The following KLHL6 variants were observed in gnomAD, a reference collection of about 807,000 sequenced individuals.
KLHL6 encodes the protein kelch-like protein 6.
In KLHL6, 41 loss-of-function variants were observed where a neutral mutation model predicts 58.6. That is an observed-to-expected ratio of 0.70 (90% CI 0.55 to 0.91). The LOEUF is 0.91. Among genes scored for constraint, KLHL6 ranks in the 40% least tolerant of loss-of-function variants. The pLI is 0.00. For missense variants in KLHL6, 714 were observed against 805.6 expected, an observed-to-expected ratio of 0.89 and a Z score of 1.38; for synonymous variants, 338 against 322.7, an observed-to-expected ratio of 1.05 and a Z score of -0.51.
intron 2 of KLHL6, among the ~76,000 whole-genome samples, chr3:183,509,838 T>C (rs1246844057): frequency 6.6e-6 from 1 of 152,234 alleles, no homozygotes; most frequent in Non-Finnish European, 1.5e-5. Flanking sequence ...ACAGGGAATA[T>C]ACTATATAAA....
At chr3:183,554,202 A>G (rs1466389825) in intron 1 of KLHL6, among the ~76,000 whole-genome samples, 1 of 152,142 alleles carries the variant, frequency 6.6e-6, no homozygotes, top group Non-Finnish European at 1.5e-5. Flanking sequence ...GATCAGGTGT[A>G]TTCACTGGGT....
chr3:183,555,280 G>C (rs886276011), intron 1 of KLHL6, 81 bp downstream of exon 1: 10 of 1,185,338 alleles, frequency 8.4e-6, no homozygotes, highest in South Asian at 1.4e-5. Flanking sequence ...ATGGCCAACT[G>C]TTCAAGATTG....
At chr3:183,539,708 CA>C (rs4066041) in intron 1 of KLHL6, among the ~76,000 whole-genome samples, 53 of 123,316 alleles carry the variant, frequency 4.3e-4, no homozygotes, top group Admixed American at 4.8e-4. Context: ...GACTCCATCT[CA>C]AAAAAAAAAA....
intron 3 of KLHL6, among the ~76,000 whole-genome samples, chr3:183,505,099 G>A (rs1052360526): frequency 6.6e-6 from 1 of 152,318 alleles, no homozygotes; most frequent in Non-Finnish European, 1.5e-5. Flanking sequence ...TGAACTGAGG[G>A]CAGTTACGGA....
intron 1 of KLHL6, chr3:183,548,612 T>C (rs1712804306): frequency 5.3e-5 from 8 of 152,224 alleles, no homozygotes. Flanking sequence ...GAGCACAATC[T>C]ATGCACTTGT....
At chr3:183,546,269 T>G (rs1352145146) in intron 1 of KLHL6, among the ~76,000 whole-genome samples, 1 of 152,218 alleles carries the variant, frequency 6.6e-6, no homozygotes, top group Non-Finnish European at 1.5e-5. Flanking sequence ...CCCTCATAAC[T>G]GTGTAGTTTT....
At chr3:183,554,889 G>A (rs1041232830) in intron 1 of KLHL6, among the ~76,000 whole-genome samples, 4 of 152,302 alleles carry the variant, frequency 2.6e-5, no homozygotes, top group South Asian at 4.1e-4. Context: ...GATAAGCCGG[G>A]CGCAGCGTCT....
chr3:183,535,134 G>A (rs184815920), intron 1 of KLHL6, among the ~76,000 whole-genome samples: 7 of 151,880 alleles, frequency 4.6e-5, no homozygotes, highest in African/African-American at 1.7e-4. Context: ...TAGTAGAGAC[G>A]GGGTTTTACT....
chr3:183,511,167 A>G (rs1045946567), intron 2 of KLHL6, among the ~76,000 whole-genome samples: 61 of 152,192 alleles, frequency 4.0e-4, no homozygotes, highest in Admixed American at 3.9e-3. Context: ...TAGTGGGGAG[A>G]AGGTCAGCAA....
intron 1 of KLHL6, among the ~76,000 whole-genome samples, chr3:183,547,526 G>A (rs990729312): frequency 2.0e-5 from 3 of 151,714 alleles, no homozygotes; most frequent in African/African-American, 4.8e-5. Context: ...TTTTTCCTAC[G>A]GTGCTCCATG....
intron 4 of KLHL6, among the ~76,000 whole-genome samples, chr3:183,497,641 T>A (rs1717750772): frequency 6.6e-6 from 1 of 152,148 alleles, no homozygotes; most frequent in African/African-American, 2.4e-5. Flanking sequence ...CAGGTGTGAC[T>A]TCTCAACTCC....
At chr3:183,521,677 A>C (rs1392921606) in intron 2 of KLHL6, 2 of 147,428 alleles carry the variant, frequency 1.4e-5, no homozygotes, top group Non-Finnish European at 3.0e-5. Flanking sequence ...CATTGAGGGT[A>C]AAAAGACCTA....
At chr3:183,538,947 G>C (rs1463615031) in intron 1 of KLHL6, among the ~76,000 whole-genome samples, 1 of 152,178 alleles carries the variant, frequency 6.6e-6, no homozygotes, top group East Asian at 1.9e-4. Flanking sequence ...CCCTGAACCA[G>C]CTGCATCAGA....
intron 1 of KLHL6, among the ~76,000 whole-genome samples, chr3:183,534,143 G>GTACTTTAAAAGTACTTTAAAAGACAT (rs1560107109): frequency 0.012 from 971 of 81,988 alleles, 44 homozygotes; most frequent in African/African-American, 0.04. Context: ...TACTTTTAAA[G>GTACTTTAAAAGTACTTTAAAAGACAT]TACTTTAAAA....
At chr3:183,534,950 A>ATATATATT (rs1356557331) in intron 1 of KLHL6, among the ~76,000 whole-genome samples, 1,261 of 96,646 alleles carry the variant, frequency 0.013, 26 homozygotes, top group African/African-American at 0.036. Context: ...ATATATATAT[A>ATATATATT]TTTTTTTTTT....
At chr3:183,498,718 G>A (rs1301789596) in intron 4 of KLHL6, among the ~76,000 whole-genome samples, 1 of 152,170 alleles carries the variant, frequency 6.6e-6, no homozygotes, top group South Asian at 2.1e-4. Flanking sequence ...CATTTACCCC[G>A]AGGTCAGGCA....
At chr3:183,511,620 G>GCTTT (rs1239657533) in intron 2 of KLHL6, among the ~76,000 whole-genome samples, 1 of 152,158 alleles carries the variant, frequency 6.6e-6, no homozygotes, top group Non-Finnish European at 1.5e-5. Context: ...GGTCCCTGCG[G>GCTTT]CTTTCTGCAG....
chr3:183,515,003 T>C (rs1213357322), intron 2 of KLHL6, among the ~76,000 whole-genome samples: 1 of 152,328 alleles, frequency 6.6e-6, no homozygotes, highest in East Asian at 1.9e-4. Flanking sequence ...TTATTACATC[T>C]GGGATCAATG....
At chr3:183,525,451 A>G (rs1477948313) in intron 2 of KLHL6, among the ~76,000 whole-genome samples, 1 of 152,212 alleles carries the variant, frequency 6.6e-6, no homozygotes, top group African/African-American at 2.4e-5. Flanking sequence ...AGACACGTCC[A>G]TTCCTGGAAA....
Sources: gnomAD v4.1 joint callset for allele counts (sites outside exome capture counted in the v4.1 genomes callset) on GRCh38, gnomAD v4.1.1 for gene constraint, MANE v1.5 for transcripts, NCBI Gene and HGNC (gene_info 2026-07-23, HGNC 2026-07-21) for gene names.